The following ASPHD1 variants were observed in gnomAD, a reference collection of about 807,000 sequenced individuals.
ASPHD1 encodes the protein aspartate beta-hydroxylase domain containing 1.
Under a neutral mutation model 28.3 loss-of-function variants are expected in ASPHD1, and 20 were observed. That is an observed-to-expected ratio of 0.71 (90% CI 0.50 to 1.03). ASPHD1 has a LOEUF of 1.03. Among genes scored for constraint, ASPHD1 ranks in the 50% least tolerant of loss-of-function variants. ASPHD1 has a pLI of 0.00. For synonymous variants in ASPHD1, 240 were observed against 221.2 expected (o/e 1.08, Z -0.75); for missense variants, 479 against 524.1 (o/e 0.91, Z 0.84).
chr16:29,909,688 CT>C (rs760949977), downstream of ASPHD1, among the ~76,000 whole-genome samples: 454 of 142,522 alleles, frequency 3.2e-3, no homozygotes, highest in Non-Finnish European at 3.4e-3. Context: ...CTGAGTTTCC[CT>C]TTTTTTTTTT....
chr16:29,911,665 A>G, intron 3 of ASPHD1: 5 of 725,608 alleles, frequency 6.9e-6, no homozygotes, highest in South Asian at 1.7e-5. Flanking sequence ...ACCTGCCTAG[A>G]GCGTCAGGGG....
rs2150827790 is a variant in ASPHD1 at position 29,901,654 on chromosome 16, G to A, written c.683G>A (p.Ser228Asn). The A allele has an allele frequency of 6.3e-7, 1 of 1,581,296 alleles. No homozygotes were observed. Among genetic ancestry groups the A allele is most frequent in the East Asian group, 2.2e-5 (1 of 44,714 alleles). The change falls in exon 1 of 3, where the codon AGC becomes AAC. Residue 228 changes from serine (S) to asparagine (N), a missense_variant. Physicochemically the swap from Ser to Asn is conservative, Grantham distance 46 (BLOSUM62 1). Transcript: ENST00000308748. The surrounding 1 kb of genome is among the most constrained non-coding windows in gnomAD (Gnocchi z 5.1). ...PAILRDFGAV[S>N]WDFSGTTPPP... ...ATTTTGCGGGACTTCGGGGCTGTGA[G>A]CTGGGACTTCTCAGGGACTACCCCT...
chr16:29,916,307 T>G (rs1294534257), intron 3 of ASPHD1, among the ~76,000 whole-genome samples: 3 of 151,216 alleles, frequency 2.0e-5, no homozygotes, highest in Non-Finnish European at 4.4e-5. Flanking sequence ...CAGGCTGGTC[T>G]CGAACTCCTG....
intron 3 of ASPHD1, chr16:29,912,399 G>C: frequency 2.6e-6 from 1 of 387,384 alleles, no homozygotes; most frequent in Non-Finnish European, 4.6e-6. Context: ...CAGCCCCCCT[G>C]GCTAAAACAG....
intron 3 of ASPHD1, among the ~76,000 whole-genome samples, chr16:29,917,078 C>T (rs1409985416): frequency 2.6e-5 from 4 of 152,144 alleles, no homozygotes; most frequent in African/African-American, 7.2e-5. Context: ...TCTGCAATGT[C>T]CTATTGGTCA....
In ASPHD1 at chr16:29,905,993, G is replaced by A. The variant is rs994773161; in HGVS notation, c.*96G>A. The A allele has an allele frequency of 4.8e-5, 36 of 757,234 alleles. No individual in the cohort carries two copies. The Admixed American group carries it at 9.3e-4, about 19-fold the overall frequency. 46.9% of individuals were successfully genotyped at this position (757,234 alleles called of 1,614,324 possible). ...GACCTCCTCTCTACTGCGGGGGTGG[G>A]CGGGGGCGGAGGATGGGAACTGGCT... On this transcript the variant is annotated 3_prime_UTR_variant, in exon 3 of 3. Coordinates refer to ENST00000308748, the MANE Select transcript of ASPHD1 (RefSeq NM_181718.4).
chr16:29,919,310 T>C (rs372381865), intron 3 of ASPHD1, among the ~76,000 whole-genome samples: 16 of 152,230 alleles, frequency 1.1e-4, no homozygotes, highest in African/African-American at 2.4e-4. Context: ...ATTTGGCTTA[T>C]GTAATAAAGT....
At chr16:29,907,657 C>T (rs1033473984), downstream of ASPHD1, among the ~76,000 whole-genome samples, 1 of 151,714 alleles carries the variant, frequency 6.6e-6, no homozygotes, top group African/African-American at 2.4e-5. Flanking sequence ...GTGTGGTGGC[C>T]CACACCTGTG....
intron 1 of ASPHD1, among the ~76,000 whole-genome samples, chr16:29,903,705 G>A (rs1386386904): frequency 6.6e-6 from 1 of 151,950 alleles, no homozygotes; most frequent in East Asian, 1.9e-4. Context: ...GATGCCACAT[G>A]TGCTGTTCTT....
At chr16:29,912,090 GC>G in intron 3 of ASPHD1, 1 of 1,349,822 alleles carries the variant, frequency 7.4e-7, no homozygotes, top group Non-Finnish European at 1.0e-6. Context: ...ACAACCAAAG[GC>G]CACGTACTCC....
chr16:29,918,318 G>C (rs2068844878), intron 3 of ASPHD1, among the ~76,000 whole-genome samples: 1 of 152,186 alleles, frequency 6.6e-6, no homozygotes, highest in Admixed American at 6.5e-5. Context: ...CCATCCCCTA[G>C]ATCCAGGGGC....
Position 29,901,481 on chromosome 16 carries a change from G to GTGT in ASPHD1, c.510_511insTGT (p.Gln170_Gly171insCys). On this transcript the variant is annotated inframe_insertion, in exon 1 of 3. Transcript: ENST00000308748. This position sits in a 1 kb window ranked among gnomAD's most constrained non-coding sequence, Gnocchi z 5.1. Reference sequence around the variant, plus strand: ...TGGGTAGAGTGAGGCGGGCAGCTCAGGGTGGCCCAGGCCCTGGGAGAGGGC... The same window carrying GTGT: ...TGGGTAGAGTGAGGCGGGCAGCTCAGTGTGGTGGCCCAGGCCCTGGGAGAGGGC... 1 of 1,603,046 alleles carries GTGT rather than the reference G, an allele frequency of 6.2e-7. No homozygotes were observed.
intron 3 of ASPHD1, chr16:29,915,231 T>C (rs72798148): frequency 0.16 from 23,813 of 152,214 alleles, 2,485 homozygotes; most frequent in Middle Eastern, 0.25. Flanking sequence ...GTCTTGTCCT[T>C]TTGCACTGGC....
intron 2 of ASPHD1, 131 bp from the exon 3 acceptor site, chr16:29,905,657 T>C (rs1260323422): frequency 2.3e-6 from 1 of 432,960 alleles, no homozygotes; most frequent in East Asian, 3.9e-5. Flanking sequence ...AAAAAAAGAT[T>C]TGATACATTT....
rs1418021450 is a variant in ASPHD1, at chr16:29,900,848, G to C, written c.-124G>C. On this transcript the variant is annotated 5_prime_UTR_variant, in exon 1 of 3. Transcript: ENST00000308748. ...GATTGAGGTGGGAGAGAGAAGCAGAGCGAGAGAGAGGAGGCTGCTGGAAGG... is the reference window on the plus strand; with the variant it reads ...GATTGAGGTGGGAGAGAGAAGCAGACCGAGAGAGAGGAGGCTGCTGGAAGG... 2.4e-6 allele frequency: 2 copies of C among 842,926 alleles called. No individual in the cohort carries two copies. Among genetic ancestry groups the C allele is most frequent in the Non-Finnish European group, 3.7e-6 (2 of 537,842 alleles). The allele number at this position is 842,926 out of a possible 1,614,324, so 52.2% of individuals were successfully genotyped here. A position where few individuals can be genotyped will look rare whatever the true frequency, so the allele number is the denominator to read the frequency against.
At chr16:29,911,277 G>A in intron 3 of ASPHD1, 1 of 892,472 alleles carries the variant, frequency 1.1e-6, no homozygotes, top group Non-Finnish European at 1.7e-6. Flanking sequence ...CTCCTGCCCA[G>A]GGCTTTGGTG....
intron 3 of ASPHD1, among the ~76,000 whole-genome samples, chr16:29,916,271 T>G (rs1369789278): frequency 6.6e-6 from 1 of 152,196 alleles, no homozygotes; most frequent in Non-Finnish European, 1.5e-5. Context: ...TTAATTTTTT[T>G]AGAGACAAGG....
chr16:29,902,883 C>CTTTTTTTT lies in ASPHD1; in HGVS notation c.949+968_949+969insTTTTTTTT, dbSNP rs370689330. The stretch of plus-strand genomic sequence containing the variant: ...CAGTAGCACCAAACTGAGATTTTTT[C>CTTTTTTTT]TTTTTCTTTTTTTTTTTTTTTTGAG... On this transcript the variant is annotated intron_variant, in intron 1 of 2. Coordinates refer to ENST00000308748, the MANE Select transcript of ASPHD1 (RefSeq NM_181718.4). Among the ~76,000 whole-genome samples, 13 of 107,548 alleles carry CTTTTTTTT rather than the reference C, an allele frequency of 1.2e-4. 1 individual carries two copies. The highest frequency in any genetic ancestry group is 2.0e-4 in the Admixed American group (2 of 10,014). The allele number at this position is 107,548 out of a possible 152,430, so 70.6% of individuals were successfully genotyped here. A position where few individuals can be genotyped will look rare whatever the true frequency, so the allele number is the denominator to read the frequency against.
chr16:29,916,385 A>G (rs2150839958), intron 3 of ASPHD1, among the ~76,000 whole-genome samples: 1 of 152,278 alleles, frequency 6.6e-6, no homozygotes, highest in East Asian at 1.9e-4. Context: ...CACTGTGCCC[A>G]GCCAATACTT....
Sources: allele counts gnomAD v4.1 joint callset (sites outside exome capture counted in the v4.1 genomes callset), GRCh38; gene constraint gnomAD v4.1.1; non-coding constraint Gnocchi (gnomAD v3.1); transcripts MANE v1.5; gene names NCBI Gene and HGNC (gene_info 2026-07-23, HGNC 2026-07-21).